Variants in CCDC178 observed in about 807,000 individuals in gnomAD.
CCDC178 encodes coiled-coil domain-containing protein 178.
Under a neutral mutation model 117.4 loss-of-function variants are expected in CCDC178, and 126 were observed. The observed-to-expected ratio is 1.07, with a 90% CI of 0.93 to 1.24. CCDC178 has a LOEUF of 1.24. CCDC178 is among the 50% of genes most tolerant of loss of function. The pLI is 0.00. For missense variants in CCDC178, 1,030 were observed against 986.9 expected, an observed-to-expected ratio of 1.04 and a Z score of -0.59; for synonymous variants, 283 against 313.4, an observed-to-expected ratio of 0.90 and a Z score of 1.02.
At chr18:33,249,747 G>T (rs1238189887) in intron 14 of CCDC178, among the ~76,000 whole-genome samples, 1 of 151,996 alleles carries the variant, frequency 6.6e-6, no homozygotes, top group Non-Finnish European at 1.5e-5. Context: ...ACTTGGCAAT[G>T]TGGGCTCTTT....
intron 22 of CCDC178, among the ~76,000 whole-genome samples, chr18:32,969,281 T>G (rs1568187787): frequency 6.6e-6 from 1 of 151,982 alleles, no homozygotes; most frequent in East Asian, 1.9e-4. Flanking sequence ...AGGAACCTAC[T>G]AGGGGGAGCA....
At chr18:33,114,374 G>T (rs1364294352) in intron 20 of CCDC178, among the ~76,000 whole-genome samples, 1 of 152,122 alleles carries the variant, frequency 6.6e-6, no homozygotes, top group Non-Finnish European at 1.5e-5. Context: ...GAGAGAATGG[G>T]GGGTGGGGAA....
chr18:33,042,788 A>T (rs139085014), intron 21 of CCDC178, among the ~76,000 whole-genome samples: 1 of 151,990 alleles, frequency 6.6e-6, no homozygotes, highest in Non-Finnish European at 1.5e-5. Context: ...TAATTTTTGA[A>T]TCAAGGTGTA....
At chr18:33,140,858 A>G (rs971961013) in intron 20 of CCDC178, among the ~76,000 whole-genome samples, 1 of 152,156 alleles carries the variant, frequency 6.6e-6, no homozygotes, top group Admixed American at 6.5e-5. Flanking sequence ...GTCCCATCCA[A>G]ATCTCATCTT....
chr18:33,290,143 C>T (rs561259584), intron 12 of CCDC178, among the ~76,000 whole-genome samples: 19 of 152,224 alleles, frequency 1.2e-4, no homozygotes, highest in African/African-American at 4.3e-4. Flanking sequence ...TTAAATAACA[C>T]AATTAGCACA....
intron 22 of CCDC178, among the ~76,000 whole-genome samples, chr18:32,947,056 T>C (rs542473937): frequency 6.6e-6 from 1 of 152,206 alleles, no homozygotes; most frequent in African/African-American, 2.4e-5. Context: ...TGTCTTTCTT[T>C]TATCTGTCTA....
chr18:33,162,417 T>C (rs2058476578), intron 20 of CCDC178, among the ~76,000 whole-genome samples: 1 of 152,198 alleles, frequency 6.6e-6, no homozygotes, highest in Non-Finnish European at 1.5e-5. Flanking sequence ...CAACATAATT[T>C]TATGTTTTTA....
chr18:32,957,327 G>C (rs1168221600), intron 22 of CCDC178, among the ~76,000 whole-genome samples: 13 of 152,120 alleles, frequency 8.5e-5, no homozygotes, highest in Non-Finnish European at 1.6e-4. Context: ...TTCATGTTTT[G>C]CTCACTGCAT....
At chr18:33,066,879 G>A (rs2057025458) in intron 21 of CCDC178, among the ~76,000 whole-genome samples, 1 of 152,116 alleles carries the variant, frequency 6.6e-6, no homozygotes, top group South Asian at 2.1e-4. Flanking sequence ...TCTTAAGAGA[G>A]AGATAGACTC....
In CCDC178 at chr18:33,439,958, T is replaced by A. The variant is rs1025337524; in HGVS notation, c.-23+4A>T. 1 of 152,184 alleles carries A rather than the reference T, an allele frequency of 6.6e-6. No homozygotes were observed. The highest frequency in any genetic ancestry group is 2.4e-5 in the African/African-American group (1 of 41,432). 9.4% of individuals were successfully genotyped at this position (152,184 alleles called of 1,614,324 possible). Reference sequence around the variant, plus strand: ...AAATCAGCTCTGAATATCACTTTTCTCACCTGTAAAGGGGAGGTGTTGGCG... The same window carrying A: ...AAATCAGCTCTGAATATCACTTTTCACACCTGTAAAGGGGAGGTGTTGGCG... On this transcript the variant is annotated splice_donor_region_variant and intron_variant, in intron 2 of 22. Coordinates refer to ENST00000383096, the MANE Select transcript of CCDC178 (RefSeq NM_001105528.4).
chr18:33,022,355 T>C (rs2056139508), intron 21 of CCDC178, among the ~76,000 whole-genome samples: 2 of 152,144 alleles, frequency 1.3e-5, no homozygotes, highest in Non-Finnish European at 2.9e-5. Context: ...ACACACTTTT[T>C]CCCCCTCTTG....
At chr18:33,256,805 A>G (rs1235265832) in intron 14 of CCDC178, among the ~76,000 whole-genome samples, 1 of 151,992 alleles carries the variant, frequency 6.6e-6, no homozygotes, top group Admixed American at 6.6e-5. Context: ...CTACTATTCA[A>G]TTAATAGAAT....
At chr18:33,385,300 A>C (rs1270390978) in intron 5 of CCDC178, among the ~76,000 whole-genome samples, 1 of 152,234 alleles carries the variant, frequency 6.6e-6, no homozygotes, top group Non-Finnish European at 1.5e-5. Flanking sequence ...AGTATTAGAC[A>C]GATCATTGAG....
At chr18:33,111,426 C>T (rs1395913969) in intron 20 of CCDC178, among the ~76,000 whole-genome samples, 2 of 151,544 alleles carry the variant, frequency 1.3e-5, no homozygotes, top group African/African-American at 2.4e-5. Flanking sequence ...TTTTAAATAT[C>T]GCTAAGGCTT....
At chr18:33,293,521 C>T (rs1047676802) in intron 11 of CCDC178, among the ~76,000 whole-genome samples, 2 of 151,556 alleles carry the variant, frequency 1.3e-5, no homozygotes, top group South Asian at 2.1e-4. Context: ...GAAAATTAGC[C>T]GAGCATGGTG....
At chr18:33,032,957 T>G (rs1393609878) in intron 21 of CCDC178, among the ~76,000 whole-genome samples, 1 of 152,054 alleles carries the variant, frequency 6.6e-6, no homozygotes, top group African/African-American at 2.4e-5. Context: ...ATATTGACCT[T>G]CCTATCATTT....
At chr18:33,366,097 A>T (rs976902458) in intron 6 of CCDC178, among the ~76,000 whole-genome samples, 3 of 152,084 alleles carry the variant, frequency 2.0e-5, no homozygotes, top group Non-Finnish European at 2.9e-5. Context: ...AGAAAATTGT[A>T]AAAGACTGAT....
intron 14 of CCDC178, among the ~76,000 whole-genome samples, chr18:33,246,144 T>C (rs1482639614): frequency 6.6e-6 from 1 of 151,898 alleles, no homozygotes; most frequent in Non-Finnish European, 1.5e-5. Context: ...ATACAATAAA[T>C]CTGGGGTAAA....
chr18:33,234,473 T>G (rs539728697), intron 15 of CCDC178, among the ~76,000 whole-genome samples: 57 of 152,136 alleles, frequency 3.7e-4, no homozygotes, highest in African/African-American at 1.3e-3. Context: ...CAGAGAGAGA[T>G]AAGGAAGTGA....
Sources: gnomAD v4.1 joint callset for allele counts (sites outside exome capture counted in the v4.1 genomes callset) on GRCh38, gnomAD v4.1.1 for gene constraint, MANE v1.5 for transcripts, NCBI Gene and HGNC (gene_info 2026-07-23, HGNC 2026-07-21) for gene names.